ARL10: variants seen among roughly 807,000 people sequenced by gnomAD.
ARL10 encodes the protein ARF like GTPase 10.
In ARL10, 23 loss-of-function variants were observed where a neutral mutation model predicts 26.1. The ratio of observed to expected loss-of-function variants is 0.88; its 90% CI spans 0.63 to 1.25. The LOEUF is 1.25. Ranked by LOEUF, ARL10 falls within the 50% of genes most tolerant of loss-of-function variation. The pLI, the probability that ARL10 is intolerant of heterozygous loss-of-function variation, is 0.00. For missense variants in ARL10, 300 were observed against 323.6 expected (o/e 0.93, Z 0.56); for synonymous variants, 138 against 149.1 (o/e 0.93, Z 0.54).
chr5:176,377,124 G>A lies in ARL10; in HGVS notation c.*5229G>A, dbSNP rs570109306. On this transcript the variant is annotated 3_prime_UTR_variant, in exon 4 of 4. Coordinates refer to ENST00000310389, the MANE Select transcript of ARL10 (RefSeq NM_173664.6). This position sits in a 1 kb window ranked among gnomAD's most constrained non-coding sequence, Gnocchi z 4.5. ...TCATAGGGGTCAATCTGTGTCTGTC[G>A]TAGGAATGGATCTGATCTGCTGACC... 2.8e-4 allele frequency: 42 copies of A among 152,314 alleles called. No individual in the cohort carries two copies. The highest frequency in any genetic ancestry group is 7.2e-4 in the African/African-American group (30 of 41,562). The allele number at this position is 152,314 out of a possible 1,614,324, so 9.4% of individuals were successfully genotyped here. A position where few individuals can be genotyped will look rare whatever the true frequency, so the allele number is the denominator to read the frequency against.
chr5:176,384,091 CGT>C (rs56989856), downstream of ARL10: 14,463 of 1,602,278 alleles, frequency 9.0e-3, 441 homozygotes, highest in African/African-American at 0.076. Flanking sequence ...GGAGTGTGCA[CGT>C]GTGTGTGTAA....
chr5:176,412,869 T>A, the ARL10 span, among the ~76,000 whole-genome samples: 2 of 152,006 alleles, frequency 1.3e-5, no homozygotes, highest in Admixed American at 6.6e-5. Flanking sequence ...TGCTGGGGTG[T>A]CTCCTCTAGC....
rs542676272 is a variant in ARL10, at chr5:176,394,584, A to G, written c.134-7157A>G. Among the ~76,000 whole-genome samples the G allele has an allele frequency of 2.0e-3, 305 of 149,924 alleles. 1 individual carries two copies. The highest frequency in any genetic ancestry group is 0.01 in the East Asian group (53 of 5,148). On this transcript the variant is annotated intron_variant, in intron 1 of 1. Coordinates refer to the ARL10 transcript ENST00000514533. ...TGTAATCCCAGCACTTTGGGAGGCC[A>G]AGGTGGGCGGATCACGAGGTCAGAT...
At position 176,398,309 on chromosome 5, in the gene ARL10, C is replaced by T. The variant is rs1185176858; in HGVS notation, c.134-3432C>T. ...GCCCAGTTATAGGTTTTGATACCCC[C>T]AAAGCAGAAGACTCAAGAAAGCGTG... On this transcript the variant is annotated intron_variant, in intron 1 of 1. Coordinates refer to the ARL10 transcript ENST00000514533. Among the ~76,000 whole-genome samples the T allele has an allele frequency of 5.3e-5, 8 of 152,138 alleles. No homozygotes were observed. In the East Asian group the frequency reaches 5.8e-4, roughly 11 times the overall value.
downstream of ARL10, chr5:176,389,283 C>T: frequency 6.3e-7 from 1 of 1,577,688 alleles, no homozygotes; most frequent in South Asian, 1.2e-5. Context: ...GGGGAATGAC[C>T]TGCGGGGCCC....
downstream of ARL10, among the ~76,000 whole-genome samples, chr5:176,404,597 CCCCACGGTGTCCTGCCCCAGT>C (rs1757009131): frequency 6.6e-6 from 1 of 152,214 alleles, no homozygotes; most frequent in South Asian, 2.1e-4. Flanking sequence ...GAAACTCAGC[CCCCACGGTGTCCTGCCCCAGT>C]CCCAAGGTGC....
At chr5:176,394,183 G>T (rs988865032) in intron 1 of ARL10, among the ~76,000 whole-genome samples, 10 of 152,236 alleles carry the variant, frequency 6.6e-5, no homozygotes, top group African/African-American at 2.2e-4. Context: ...AAGTGGGGAT[G>T]AGGGGAGCTA....
At chr5:176,403,076 G>T (rs1332454618), downstream of ARL10, among the ~76,000 whole-genome samples, 1 of 146,370 alleles carries the variant, frequency 6.8e-6, no homozygotes. Flanking sequence ...TTGAGGCGGA[G>T]TCTCGCTCTG....
downstream of ARL10, chr5:176,384,624 A>G: frequency 1.9e-6 from 1 of 525,242 alleles, no homozygotes; most frequent in Non-Finnish European, 3.4e-6. Flanking sequence ...CTGTCTCTCC[A>G]AAAACAATAA....
chr5:176,387,071 TCTCTCTC>T, intron 1 of ARL10: 1 of 590,998 alleles, frequency 1.7e-6, no homozygotes, highest in South Asian at 2.1e-5. Context: ...TTTTTCTCTC[TCTCTCTC>T]TTTTTTTTTT....
At chr5:176,366,202 G>A (rs1277732399) in intron 1 of ARL10, among the ~76,000 whole-genome samples, 178 bp from the exon 2 acceptor site, 2 of 152,232 alleles carry the variant, frequency 1.3e-5, no homozygotes, top group Non-Finnish European at 2.9e-5. Flanking sequence ...TAAGGAATTC[G>A]CCAAGGGTTT....
In ARL10 at chr5:176,381,651, T is replaced by C. The variant is rs1404232034; in HGVS notation, c.*9756T>C. On this transcript the variant is annotated 3_prime_UTR_variant, in exon 4 of 4. Coordinates refer to ENST00000310389, the MANE Select transcript of ARL10 (RefSeq NM_173664.6). The stretch of plus-strand genomic sequence containing the variant: ...CTATGGTTGGCTGAGATCTGACTAC[T>C]TGTTACAAGAGTAGACTCTTACATC... The C allele has an allele frequency of 6.6e-6, 1 of 152,222 alleles. No individual in the cohort carries two copies. The highest frequency in any genetic ancestry group is 1.5e-5 in the Non-Finnish European group (1 of 68,040). The allele number at this position is 152,222 out of a possible 1,614,324, so 9.4% of individuals were successfully genotyped here.
At chr5:176,407,763 T>C in the ARL10 span, among the ~76,000 whole-genome samples, 4 of 152,160 alleles carry the variant, frequency 2.6e-5, no homozygotes, top group African/African-American at 7.2e-5. Context: ...AAATCCTCAT[T>C]CTTTGACTCC....
chr5:176,365,720 C>G lies in ARL10; in HGVS notation c.157C>G (p.Arg53Gly). The G allele has an allele frequency of 8.1e-7, 1 of 1,238,542 alleles. No homozygotes were observed. The highest frequency in any genetic ancestry group is 3.9e-5 in the South Asian group (1 of 25,892). 76.7% of individuals were successfully genotyped at this position (1,238,542 alleles called of 1,614,324 possible). Reference sequence around the variant, plus strand: ...GGCCTGGTGGGGCGCGGAGGCTGCCCGCCTCCCCGAGTGGGACGAGTGGGA... The same window carrying G: ...GGCCTGGTGGGGCGCGGAGGCTGCCGGCCTCCCCGAGTGGGACGAGTGGGA... ...GEAWWGAEAA[R>G]LPEWDEWDPE... The change falls in exon 1 of 4, where the codon CGC becomes GGC. Residue 53 changes from arginine (R) to glycine (G), a missense_variant. Arg to Gly is a moderately radical substitution (Grantham distance 125). Transcript: ENST00000310389.
In ARL10 at chr5:176,380,238, T is replaced by C. The variant is rs979964273; in HGVS notation, c.*8343T>C. 1 of 152,232 alleles carries C rather than the reference T, an allele frequency of 6.6e-6. No individual in the cohort carries two copies. The highest frequency in any genetic ancestry group is 6.5e-5 in the Admixed American group (1 of 15,276). The allele number at this position is 152,232 out of a possible 1,614,324, so 9.4% of individuals were successfully genotyped here. Reference sequence around the variant, plus strand: ...GCATGAGCCTTTCATTTGCGTTTTGTAAAGAATCTTTTAGGCAATTTTAGA... The same window carrying C: ...GCATGAGCCTTTCATTTGCGTTTTGCAAAGAATCTTTTAGGCAATTTTAGA... On this transcript the variant is annotated 3_prime_UTR_variant, in exon 4 of 4. Coordinates refer to ENST00000310389, the MANE Select transcript of ARL10 (RefSeq NM_173664.6).
chr5:176,392,550 G>C, downstream of ARL10: 2 of 549,476 alleles, frequency 3.6e-6, no homozygotes, highest in Non-Finnish European at 6.5e-6. The surrounding 1 kb of genome is among the most constrained non-coding windows in gnomAD (Gnocchi z 5.2). Flanking sequence ...AGGAGGGACA[G>C]TCACAATTGA....
At chr5:176,397,657 C>T (rs1362682319) in intron 1 of ARL10, 4 of 1,613,310 alleles carry the variant, frequency 2.5e-6, no homozygotes, top group East Asian at 2.2e-5. Context: ...GCTGGTTCCA[C>T]TCCTCCAGGT....
intron 1 of ARL10, among the ~76,000 whole-genome samples, chr5:176,400,636 C>T (rs13181024): frequency 0.15 from 22,366 of 152,192 alleles, 2,558 homozygotes; most frequent in African/African-American, 0.31. Context: ...CTGCAGGCAT[C>T]CCACTCCAGC....
intron 3 of ARL10, among the ~76,000 whole-genome samples, chr5:176,371,400 T>C (rs1269858160): frequency 6.6e-6 from 1 of 152,054 alleles, no homozygotes; most frequent in Non-Finnish European, 1.5e-5. Context: ...TGGCTAATGA[T>C]GCAATGAAAA....
Sources: gnomAD v4.1 joint callset for allele counts (sites outside exome capture counted in the v4.1 genomes callset) on GRCh38, gnomAD v4.1.1 for gene constraint, Gnocchi (gnomAD v3.1) non-coding constraint, MANE v1.5 for transcripts, NCBI Gene and HGNC (gene_info 2026-07-23, HGNC 2026-07-21) for gene names.